The following THRB variants were observed in gnomAD, a reference collection of about 807,000 sequenced individuals.
THRB encodes thyroid hormone receptor beta.
A neutral mutation model predicts 47.8 loss-of-function variants in THRB; 12 were observed. That is an observed-to-expected ratio of 0.25 (90% CI 0.16 to 0.41). The LOEUF (loss-of-function observed/expected upper bound fraction) is 0.41. THRB is among the 10% of genes least tolerant of loss of function. The pLI, the probability that THRB is intolerant of heterozygous loss-of-function variation, is 1.00. For synonymous variants in THRB, 218 were observed against 212.2 expected, an observed-to-expected ratio of 1.03 and a Z score of -0.24; for missense variants, 348 against 589.2, an observed-to-expected ratio of 0.59 and a Z score of 4.24.
chr3:24,387,937 G>A (rs1018377667), intron 1 of THRB, among the ~76,000 whole-genome samples: 5 of 152,100 alleles, frequency 3.3e-5, no homozygotes, highest in African/African-American at 9.7e-5. Context: ...GGGCATGATT[G>A]TCAGGTCAGT....
chr3:24,152,462 G>A lies in THRB; in HGVS notation c.312C>T (p.Asp104=), dbSNP rs1429177265. The A allele has an allele frequency of 5.0e-6, 8 of 1,607,634 alleles. No homozygotes were observed. The highest frequency in any genetic ancestry group is 2.2e-5 in the East Asian group (1 of 44,878). ...TGTCACCACACACTACACAGAGCTC[G>A]TCCTTGTCTAAGTAACTGGGGATGT... ...KGYIPSYLDK[D]ELCVVCGDKA... The change falls in exon 6 of 11, where the codon GAC becomes GAT. Residue 104 remains aspartate, a synonymous_variant. Transcript: ENST00000646209.
chr3:24,289,600 C>T (rs182791125), intron 3 of THRB, among the ~76,000 whole-genome samples: 92 of 152,230 alleles, frequency 6.0e-4, no homozygotes, highest in African/African-American at 2.0e-3. Flanking sequence ...TCAGAAATGA[C>T]GTGAAAATTA....
At chr3:24,224,301 T>C (rs2047441569) in intron 4 of THRB, among the ~76,000 whole-genome samples, 1 of 152,212 alleles carries the variant, frequency 6.6e-6, no homozygotes, top group African/African-American at 2.4e-5. Flanking sequence ...GTTAATAGCC[T>C]AATAATCAGG....
chr3:24,220,621 G>A (rs1429466276), intron 4 of THRB, among the ~76,000 whole-genome samples: 1 of 152,146 alleles, frequency 6.6e-6, no homozygotes, highest in Non-Finnish European at 1.5e-5. Flanking sequence ...AGTTGTTCTA[G>A]AAGCAATTGT....
chr3:24,385,542 T>C (rs2149897806), intron 1 of THRB, among the ~76,000 whole-genome samples: 1 of 152,254 alleles, frequency 6.6e-6, no homozygotes, highest in Admixed American at 6.5e-5. Flanking sequence ...CAGCATAATC[T>C]GCCTTTAAAT....
At chr3:24,444,219 T>A (rs138976654) in intron 1 of THRB, among the ~76,000 whole-genome samples, 1 of 151,702 alleles carries the variant, frequency 6.6e-6, no homozygotes, top group East Asian at 1.9e-4. Flanking sequence ...AAAGAAGAGA[T>A]ACATTATTTG....
At chr3:24,136,036 T>G (rs925315471) in intron 8 of THRB, among the ~76,000 whole-genome samples, 1 of 151,912 alleles carries the variant, frequency 6.6e-6, no homozygotes, top group Non-Finnish European at 1.5e-5. Context: ...TTTGAAATGT[T>G]GGTGGGTTAA....
At chr3:24,172,123 T>C in intron 5 of THRB, among the ~76,000 whole-genome samples, 1 of 152,228 alleles carries the variant, frequency 6.6e-6, no homozygotes, top group East Asian at 1.9e-4. Context: ...TGTGTGTATC[T>C]TGTAACATTT....
intron 2 of THRB, among the ~76,000 whole-genome samples, chr3:24,330,076 C>T (rs1039310209): frequency 1.3e-5 from 2 of 152,064 alleles, no homozygotes; most frequent in Admixed American, 6.5e-5. Flanking sequence ...GAGGCCGAGG[C>T]GGGTGGATCA....
intron 3 of THRB, among the ~76,000 whole-genome samples, chr3:24,272,132 G>A (rs777764656): frequency 2.0e-5 from 3 of 152,020 alleles, no homozygotes; most frequent in Non-Finnish European, 4.4e-5. Flanking sequence ...GCTTGAGCCC[G>A]GGAGTTCAAG....
At chr3:24,301,207 T>C (rs1576666999) in intron 2 of THRB, among the ~76,000 whole-genome samples, 1 of 152,144 alleles carries the variant, frequency 6.6e-6, no homozygotes, top group East Asian at 1.9e-4. Context: ...TCAAACTTCT[T>C]CTCCCCAGAA....
At chr3:24,260,485 G>C (rs1559760106) in intron 3 of THRB, among the ~76,000 whole-genome samples, 1 of 152,212 alleles carries the variant, frequency 6.6e-6, no homozygotes, top group South Asian at 2.1e-4. Flanking sequence ...TAAAGCTCCT[G>C]TTTATGAGAC....
chr3:24,400,298 G>C (rs1456087655), intron 1 of THRB, among the ~76,000 whole-genome samples: 1 of 152,078 alleles, frequency 6.6e-6, no homozygotes, highest in African/African-American at 2.4e-5. Flanking sequence ...TTCAATGTGA[G>C]GGACATTTTT....
At chr3:24,359,399 G>A (rs748925042) in intron 1 of THRB, among the ~76,000 whole-genome samples, 1 of 152,154 alleles carries the variant, frequency 6.6e-6, no homozygotes, top group African/African-American at 2.4e-5. Flanking sequence ...CCAGTGAACA[G>A]GGAGGAGGCT....
chr3:24,458,240 CAA>C (rs1446401445), intron 1 of THRB: 1 of 152,212 alleles, frequency 6.6e-6, no homozygotes, highest in East Asian at 1.9e-4. Flanking sequence ...TTGAAGCAGC[CAA>C]AGTTGGCTGA....
intron 1 of THRB, among the ~76,000 whole-genome samples, chr3:24,376,572 G>T (rs1371085017): frequency 1.3e-5 from 2 of 152,108 alleles, no homozygotes; most frequent in Admixed American, 1.3e-4. Context: ...GCTACAAAAG[G>T]TCAGATGTTG....
chr3:24,276,905 G>A (rs1041931108), intron 3 of THRB, among the ~76,000 whole-genome samples: 2 of 152,190 alleles, frequency 1.3e-5, no homozygotes, highest in South Asian at 4.1e-4. Context: ...ATTTACTCTT[G>A]TCTTTTATAT....
intron 2 of THRB, among the ~76,000 whole-genome samples, chr3:24,331,179 C>T (rs77395777): frequency 0.024 from 3,715 of 151,996 alleles, 47 homozygotes; most frequent in Middle Eastern, 0.041. Flanking sequence ...ATGACTTGAG[C>T]GTTAATTTCT....
rs140133862 is a variant in THRB, at chr3:24,269,387, A to ACG, written c.-43+27837_-43+27838dup. On this transcript the variant is annotated intron_variant, in intron 3 of 10. Transcript: ENST00000646209. ...ACCATCATAGCTCATCATAGCTCACACGCGCGCGCGCGCGCGCACACACAC... is the reference window on the plus strand; with the variant it reads ...ACCATCATAGCTCATCATAGCTCACACGCGCGCGCGCGCGCGCGCACACACAC... Among the ~76,000 whole-genome samples the ACG allele has an allele frequency of 4.1e-3, 404 of 98,254 alleles. 2 individuals are homozygous for ACG. The highest frequency in any genetic ancestry group is 9.7e-3 in the Admixed American group (90 of 9,308). The allele number at this position is 98,254 out of a possible 152,430, so 64.5% of individuals were successfully genotyped here.
Sources: allele counts gnomAD v4.1 joint callset (sites outside exome capture counted in the v4.1 genomes callset), GRCh38; gene constraint gnomAD v4.1.1; transcripts MANE v1.5; gene names NCBI Gene and HGNC (gene_info 2026-07-23, HGNC 2026-07-21).